NCKAP5: variants seen among roughly 807,000 people sequenced by gnomAD.
The protein encoded by NCKAP5 is NCK associated protein 5, also known as nck-associated protein 5.
In NCKAP5, 92 loss-of-function variants were observed where a neutral mutation model predicts 167.0. The ratio of observed to expected loss-of-function variants is 0.55; its 90% CI spans 0.47 to 0.66. The LOEUF (loss-of-function observed/expected upper bound fraction) is 0.66. Among genes scored for constraint, NCKAP5 ranks in the 30% least tolerant of loss-of-function variants. The pLI is 0.00. For synonymous variants in NCKAP5, 891 were observed against 877.4 expected (o/e 1.02, Z -0.27); for missense variants, 2,378 against 2,315.0 (o/e 1.03, Z -0.56).
At chr2:133,097,393 A>T (rs1468775152) in intron 6 of NCKAP5, among the ~76,000 whole-genome samples, 1 of 152,220 alleles carries the variant, frequency 6.6e-6, no homozygotes, top group East Asian at 1.9e-4. Flanking sequence ...TCACACAACC[A>T]ACCAGCATCA....
chr2:133,549,210 A>G (rs1180360793), intron 2 of NCKAP5, among the ~76,000 whole-genome samples: 2 of 151,948 alleles, frequency 1.3e-5, no homozygotes, highest in Non-Finnish European at 2.9e-5. Context: ...CCAATACAGG[A>G]GCACCCAGGT....
intron 6 of NCKAP5, among the ~76,000 whole-genome samples, chr2:133,015,004 A>AT (rs1329001955): frequency 1.3e-5 from 2 of 152,200 alleles, no homozygotes; most frequent in Admixed American, 6.5e-5. Context: ...GATGCGTAGT[A>AT]TTTGTTTTCA....
chr2:132,786,405 C>G (rs1241034404), intron 13 of NCKAP5, among the ~76,000 whole-genome samples: 1 of 152,170 alleles, frequency 6.6e-6, no homozygotes, highest in African/African-American at 2.4e-5. Context: ...CAATAGATAT[C>G]TATGAAAATT....
intron 3 of NCKAP5, among the ~76,000 whole-genome samples, chr2:133,469,986 C>T (rs911221023): frequency 8.6e-5 from 13 of 151,620 alleles, no homozygotes; most frequent in African/African-American, 2.4e-4. Flanking sequence ...GTAATTTGAT[C>T]GTCTGAAGCC....
intron 5 of NCKAP5, among the ~76,000 whole-genome samples, chr2:133,178,688 G>C (rs12105099): frequency 6.6e-6 from 1 of 151,202 alleles, no homozygotes; most frequent in Non-Finnish European, 1.5e-5. Flanking sequence ...AGCCAGGCGC[G>C]GTGGCGGGCA....
chr2:133,568,568 T>A (rs1688730756), upstream of NCKAP5: 1 of 148,484 alleles, frequency 6.7e-6, no homozygotes, highest in African/African-American at 2.5e-5. Context: ...AAGGAGGGGG[T>A]GGGGAGGAAG....
At chr2:133,264,072 AG>A (rs1454700942) in intron 4 of NCKAP5, among the ~76,000 whole-genome samples, 9 of 152,190 alleles carry the variant, frequency 5.9e-5, no homozygotes, top group African/African-American at 2.2e-4. Flanking sequence ...GCAGTTCACC[AG>A]GCCACTGAAG....
intron 2 of NCKAP5, among the ~76,000 whole-genome samples, chr2:133,556,490 T>C (rs1043153506): frequency 6.6e-6 from 1 of 152,328 alleles, no homozygotes; most frequent in Admixed American, 6.5e-5. Context: ...CTCCCCACTA[T>C]GTTATGAAAC....
chr2:133,391,364 G>C (rs959455850), intron 3 of NCKAP5: 2 of 157,222 alleles, frequency 1.3e-5, no homozygotes, highest in Non-Finnish European at 2.9e-5. Flanking sequence ...CAGTCAATGG[G>C]GGACAGATAT....
chr2:132,872,935 C>G (rs766426837), intron 9 of NCKAP5, among the ~76,000 whole-genome samples: 2 of 152,004 alleles, frequency 1.3e-5, no homozygotes, highest in Non-Finnish European at 1.5e-5. Flanking sequence ...AATAGGGGAG[C>G]TGCCTACCTC....
chr2:132,698,282 T>G (rs1381293997), intron 19 of NCKAP5, among the ~76,000 whole-genome samples: 4 of 152,184 alleles, frequency 2.6e-5, no homozygotes, highest in African/African-American at 7.2e-5. Flanking sequence ...CTGTCTTTTT[T>G]ACTCTTAAAA....
At chr2:133,112,136 T>A (rs956875081) in intron 6 of NCKAP5, among the ~76,000 whole-genome samples, 1 of 152,120 alleles carries the variant, frequency 6.6e-6, no homozygotes, top group African/African-American at 2.4e-5. Context: ...TTCTTACTGG[T>A]CTTATGACCT....
chr2:133,270,109 G>A (rs2089441491), intron 4 of NCKAP5, among the ~76,000 whole-genome samples: 1 of 152,206 alleles, frequency 6.6e-6, no homozygotes, highest in Non-Finnish European at 1.5e-5. Flanking sequence ...AAAGCTCTTA[G>A]AATAGTTCCT....
chr2:133,581,675 C>T, the NCKAP5 span, among the ~76,000 whole-genome samples: 2 of 152,158 alleles, frequency 1.3e-5, no homozygotes, highest in Admixed American at 1.3e-4. Context: ...GCTGAGCACT[C>T]CCCACCCTAA....
chr2:133,669,755 T>C, the NCKAP5 span, among the ~76,000 whole-genome samples: 1 of 152,204 alleles, frequency 6.6e-6, no homozygotes, highest in African/African-American at 2.4e-5. Flanking sequence ...AAGATTTTTG[T>C]CCTAACAGCA....
At chr2:132,828,481 G>T (rs2105353845) in intron 11 of NCKAP5, among the ~76,000 whole-genome samples, 1 of 152,222 alleles carries the variant, frequency 6.6e-6, no homozygotes, top group East Asian at 1.9e-4. Context: ...GGACATGCCT[G>T]CTTCCCTTTT....
chr2:133,095,414 C>T (rs1159591210), intron 6 of NCKAP5, among the ~76,000 whole-genome samples: 1 of 152,162 alleles, frequency 6.6e-6, no homozygotes, highest in Non-Finnish European at 1.5e-5. Context: ...TGGTTTTCAT[C>T]AACAAAATCT....
intron 8 of NCKAP5, among the ~76,000 whole-genome samples, chr2:132,881,828 G>A (rs1471297472): frequency 6.6e-6 from 1 of 151,984 alleles, no homozygotes; most frequent in Non-Finnish European, 1.5e-5. Context: ...GTAATTTGTG[G>A]GGAGATACTT....
chr2:132,715,706 CAA>C (rs973521999), intron 19 of NCKAP5, among the ~76,000 whole-genome samples: 7 of 152,158 alleles, frequency 4.6e-5, no homozygotes, highest in Admixed American at 3.9e-4. Context: ...CACAGTCTGA[CAA>C]AGACACCGTG....
Sources: allele counts gnomAD v4.1 joint callset (sites outside exome capture counted in the v4.1 genomes callset), GRCh38; gene constraint gnomAD v4.1.1; transcripts MANE v1.5; gene names NCBI Gene and HGNC (gene_info 2026-07-23, HGNC 2026-07-21).